CCDC88C: variants seen among roughly 807,000 people sequenced by gnomAD.
CCDC88C encodes the protein coiled-coil and HOOK domain protein 88C.
Under a neutral mutation model 198.8 loss-of-function variants are expected in CCDC88C, and 131 were observed. The observed-to-expected ratio is 0.66, with a 90% CI of 0.57 to 0.76. The LOEUF is 0.76. Among genes scored for constraint, CCDC88C ranks in the 30% least tolerant of loss-of-function variants. The pLI, the probability that CCDC88C is intolerant of heterozygous loss-of-function variation, is 0.00. For missense variants in CCDC88C, 2,553 were observed against 2,631.6 expected (o/e 0.97, Z 0.65); for synonymous variants, 1,166 against 1,114.7 (o/e 1.05, Z -0.92).
chr14:91,404,794 T>C (rs190892947), intron 3 of CCDC88C, among the ~76,000 whole-genome samples: 1 of 151,778 alleles, frequency 6.6e-6, no homozygotes, highest in East Asian at 1.9e-4. Flanking sequence ...AAAACCCGTC[T>C]CTACTAAAAA....
At chr14:91,358,921 C>T (rs909427952) in intron 4 of CCDC88C, among the ~76,000 whole-genome samples, 2 of 152,104 alleles carry the variant, frequency 1.3e-5, no homozygotes, top group African/African-American at 2.4e-5. Context: ...GCTCCGTCAC[C>T]GAGCATGAAC....
Position 91,339,080 on chromosome 14 carries a change from C to G in CCDC88C, c.809+198G>C, listed in dbSNP as rs150479820. 5.0e-3 allele frequency: 3,388 copies of G among 681,860 alleles called. 25 individuals carry two copies. Among genetic ancestry groups the G allele is most frequent in the South Asian group, 6.9e-3 (418 of 60,794 alleles). 42.2% of individuals were successfully genotyped at this position (681,860 alleles called of 1,614,324 possible). On this transcript the variant is annotated intron_variant, in intron 8 of 29. Coordinates refer to ENST00000389857, the MANE Select transcript of CCDC88C (RefSeq NM_001080414.4). The surrounding 1 kb of genome is among the most constrained non-coding windows in gnomAD (Gnocchi z 5.8). The stretch of plus-strand genomic sequence containing the variant: ...AAACCCTGAAGACCGGGAAGAATCC[C>G]CGCCCCCATCCCTGTGCAGGCCTCA...
At position 91,390,977 on chromosome 14, in the gene CCDC88C, T is replaced by C. The variant is rs939083522; in HGVS notation, c.270+17682A>G. Among the ~76,000 whole-genome samples the C allele has an allele frequency of 4.6e-5, 7 of 152,264 alleles. No individual in the cohort carries two copies. The South Asian group carries it at 1.5e-3, about 32-fold the overall frequency. On this transcript the variant is annotated intron_variant, in intron 3 of 29. Coordinates refer to ENST00000389857, the MANE Select transcript of CCDC88C (RefSeq NM_001080414.4). ...TCTCTGAACTTCTGTCTCCTCATCT[T>C]TGAGATGAGAATAAATGCCACCTAG...
intron 13 of CCDC88C, 119 bp from the exon 14 acceptor site, chr14:91,315,906 G>A: frequency 2.0e-6 from 2 of 998,004 alleles, no homozygotes; most frequent in Non-Finnish European, 2.9e-6. Context: ...CTCAAGGGAA[G>A]ACCTCCTGAC....
At position 91,272,698 on chromosome 14, in the gene CCDC88C, G is replaced by C. The variant is rs2140903135; in HGVS notation, c.6014C>G (p.Ser2005Ter). Residue 2005 changes from serine to a stop codon, truncating the protein, a stop_gained, in exon 30 of 30, where the codon TCA becomes TGA. Transcript: ENST00000389857. LOFTEE classifies it high-confidence loss of function. ...ALEDCSRGSV[S>*]KSSPASPEPG... is the part of the protein sequence containing the mutation. ...CTCCGGGGAGGCCGGACTGCTCTTT[G>C]AGACGCTCCCTCGACTGCAGTCCTC... The C allele has an allele frequency of 6.2e-7, 1 of 1,611,582 alleles. No individual in the cohort carries two copies. The highest frequency in any genetic ancestry group is 8.5e-7 in the Non-Finnish European group (1 of 1,179,822).
At chr14:91,410,148 G>C (rs1257627163) in intron 2 of CCDC88C, among the ~76,000 whole-genome samples, 1 of 152,210 alleles carries the variant, frequency 6.6e-6, no homozygotes, top group Non-Finnish European at 1.5e-5. Context: ...AAAATGCTCA[G>C]TGTCAGAAAA....
chr14:91,416,924 C>A, intron 1 of CCDC88C, 86 bp from the exon 2 acceptor site: 1 of 892,166 alleles, frequency 1.1e-6, no homozygotes, highest in Non-Finnish European at 1.8e-6. Flanking sequence ...AGAGACTGGA[C>A]GGGTCAGTGT....
chr14:91,318,885 C>T (rs12884511), intron 13 of CCDC88C, among the ~76,000 whole-genome samples: 2,739 of 146,246 alleles, frequency 0.019, 54 homozygotes, highest in South Asian at 0.065. Flanking sequence ...CACCACTGCA[C>T]TCCAGCCTGG....
Position 91,279,235 on chromosome 14 carries a change from T to C in CCDC88C, c.4768+3A>G, listed in dbSNP as rs377035641. On this transcript the variant is annotated splice_donor_region_variant and intron_variant, in intron 28 of 29. Coordinates refer to ENST00000389857, the MANE Select transcript of CCDC88C (RefSeq NM_001080414.4). ...TAAAAGTACACAGAAGCACAAGACTTACCTTTTAGGTTAAGAGGTGAGCTG... is the reference window on the plus strand; with the variant it reads ...TAAAAGTACACAGAAGCACAAGACTCACCTTTTAGGTTAAGAGGTGAGCTG... 6.3e-7 allele frequency: 1 copy of C among 1,588,248 alleles called. No homozygotes were observed. Among genetic ancestry groups the C allele is most frequent in the South Asian group, 1.1e-5 (1 of 87,382 alleles).
chr14:91,325,621 G>C lies in CCDC88C; in HGVS notation c.1197+289C>G, dbSNP rs1335265334. ...AGACAAGGTCTTGCTCTATCACCCA[G>C]GCTGGAATGCAATGGTGTGATCACG... On this transcript the variant is annotated intron_variant, in intron 11 of 29. Transcript: ENST00000389857. This position sits in a 1 kb window ranked among gnomAD's most constrained non-coding sequence, Gnocchi z 4.1. Among the ~76,000 whole-genome samples the C allele has an allele frequency of 6.6e-6, 1 of 152,018 alleles. No individual in the cohort carries two copies. The highest frequency in any genetic ancestry group is 2.4e-5 in the African/African-American group (1 of 41,358).
chr14:91,375,095 C>T (rs1326871831), intron 3 of CCDC88C, among the ~76,000 whole-genome samples: 2 of 152,238 alleles, frequency 1.3e-5, no homozygotes. Flanking sequence ...ACCAGCCTTA[C>T]TCTTCGAGTC....
intron 17 of CCDC88C, 133 bp from the exon 18 acceptor site, chr14:91,307,359 C>T: frequency 1.4e-6 from 1 of 697,670 alleles, no homozygotes; most frequent in Non-Finnish European, 2.4e-6. Context: ...TCTGTGTAAG[C>T]CAGACGCGCT....
chr14:91,310,014 T>G (rs973792461), intron 15 of CCDC88C, 28 bp from the exon 16 acceptor site: 16 of 1,553,462 alleles, frequency 1.0e-5, no homozygotes, highest in Non-Finnish European at 1.4e-5. Flanking sequence ...GAGCACTGGA[T>G]AGGAGCTCAG....
chr14:91,273,471 G>A lies in CCDC88C; in HGVS notation c.5241C>T (p.Pro1747=), dbSNP rs747213669. The A allele has an allele frequency of 9.5e-6, 15 of 1,576,930 alleles. No homozygotes were observed. Among genetic ancestry groups the A allele is most frequent in the East Asian group, 4.6e-5 (2 of 43,404 alleles). ...APTSEGRPLK[P]GQYVKPNFRL... ...TGAAGTTTGGCTTTACGTACTGCCCGGGCTTCAGCGGCCTCCCCTCCGAGG... is the reference window on the plus strand; with the variant it reads ...TGAAGTTTGGCTTTACGTACTGCCCAGGCTTCAGCGGCCTCCCCTCCGAGG... Residue 1747 remains proline, a synonymous_variant, in exon 30 of 30, where the codon CCC becomes CCT. Transcript: ENST00000389857. The surrounding 1 kb of genome is among the most constrained non-coding windows in gnomAD (Gnocchi z 5.6).
At position 91,307,153 on chromosome 14, in the gene CCDC88C, G is replaced by C; in HGVS notation, c.3080C>G (p.Pro1027Arg). ...GTGACTGGCGGCTGTCTTCCCCGCAGGGTGCTTGAAAGAGTTCTGCAAGTG... is the reference window on the plus strand; with the variant it reads ...GTGACTGGCGGCTGTCTTCCCCGCACGGTGCTTGAAAGAGTTCTGCAAGTG... Reference protein sequence around the residue: ...GQHLQNSFKHPAGKTAASHQG... With the variant: ...GQHLQNSFKHRAGKTAASHQG... The change falls in exon 18 of 30, where the codon CCT becomes CGT. Residue 1027 changes from proline (P) to arginine (R), a missense_variant. Pro to Arg is a moderately radical substitution (Grantham distance 103). Coordinates refer to ENST00000389857, the MANE Select transcript of CCDC88C (RefSeq NM_001080414.4). The C allele has an allele frequency of 1.9e-6, 3 of 1,613,946 alleles. No homozygotes were observed. The highest frequency in any genetic ancestry group is 2.2e-5 in the South Asian group (2 of 91,088).
chr14:91,370,532 C>G (rs1434899763), intron 3 of CCDC88C, among the ~76,000 whole-genome samples: 2 of 152,188 alleles, frequency 1.3e-5, no homozygotes, highest in African/African-American at 4.8e-5. Context: ...AGCCCCTGAG[C>G]CAAAGAAGGG....
In CCDC88C at chr14:91,293,511, T is replaced by TTCCCATCCTCACCCGCCACAGCTC. The variant is rs1567055618; in HGVS notation, c.4112+661_4112+662insGAGCTGTGGCGGGTGAGGATGGGA. On this transcript the variant is annotated intron_variant, in intron 23 of 29. Transcript: ENST00000389857. Reference sequence around the variant, plus strand: ...CTTCCCATCCTCACCTGCCACGGCCTACCTTCCTGTCCCCTCACCTGCCAC... The same window carrying TTCCCATCCTCACCCGCCACAGCTC: ...CTTCCCATCCTCACCTGCCACGGCCTTCCCATCCTCACCCGCCACAGCTCACCTTCCTGTCCCCTCACCTGCCAC... Among the ~76,000 whole-genome samples, 67 of 9,744 alleles carry TTCCCATCCTCACCCGCCACAGCTC rather than the reference T, an allele frequency of 6.9e-3. 23 individuals carry two copies. The highest frequency in any genetic ancestry group is 7.5e-3 in the Admixed American group (7 of 934). The allele number at this position is 9,744 out of a possible 152,430, so 6.4% of individuals were successfully genotyped here.
At chr14:91,336,262 G>A (rs1006817240) in intron 10 of CCDC88C, among the ~76,000 whole-genome samples, 3 of 152,204 alleles carry the variant, frequency 2.0e-5, no homozygotes, top group Non-Finnish European at 4.4e-5. Context: ...CTGGTGCAGC[G>A]CTCAGTTACC....
intron 3 of CCDC88C, among the ~76,000 whole-genome samples, chr14:91,398,798 T>G (rs1885996654): frequency 1.3e-5 from 2 of 152,186 alleles, no homozygotes; most frequent in Admixed American, 6.5e-5. Context: ...CCCTGAGAGC[T>G]GCAGCCCTCT....
Sources: gnomAD v4.1 joint callset for allele counts (sites outside exome capture counted in the v4.1 genomes callset) on GRCh38, gnomAD v4.1.1 for gene constraint, Gnocchi (gnomAD v3.1) non-coding constraint, MANE v1.5 for transcripts, NCBI Gene and HGNC (gene_info 2026-07-23, HGNC 2026-07-21) for gene names.